Variants in ZW10 observed in about 807,000 individuals in gnomAD.
ZW10 encodes zw10 kinetochore protein.
Under a neutral mutation model 87.8 loss-of-function variants are expected in ZW10, and 53 were observed. That is an observed-to-expected ratio of 0.60 (90% confidence interval 0.48 to 0.76). The LOEUF (loss-of-function observed/expected upper bound fraction) is 0.76, where lower values mean the gene tolerates loss of function less well. Ranked by LOEUF, ZW10 falls within the 30% of genes least tolerant of loss-of-function variation. The probability of loss-of-function intolerance (pLI) is 0.00; values close to 1 mark genes in which losing one functional copy is unlikely to be tolerated. For synonymous variants in ZW10, 312 were observed against 329.2 expected (o/e 0.95, Z 0.57); for missense variants, 837 against 923.0 (o/e 0.91, Z 1.21).
Position 113,733,282 on chromosome 11 carries a change from C to G in ZW10, c.*412G>C, listed in dbSNP as rs1249119736. The G allele has an allele frequency of 6.3e-6, 1 of 158,378 alleles. No individual in the cohort carries two copies. The allele number at this position is 158,378 out of a possible 1,614,324, so 9.8% of individuals were successfully genotyped here. A position where few individuals can be genotyped will look rare whatever the true frequency, so the allele number is the denominator to read the frequency against. The stretch of plus-strand genomic sequence containing the variant: ...GGTGGCCCATTCCTCCCTTCCCCTC[C>G]TCCACACCCCTAAAATATCTCCGAT... On this transcript the variant is annotated 3_prime_UTR_variant, in exon 16 of 16. Coordinates refer to ENST00000200135, the MANE Select transcript of ZW10 (RefSeq NM_004724.4).
At chr11:113,738,241 C>A in intron 13 of ZW10, 23 bp downstream of exon 13, 1 of 1,562,592 alleles carries the variant, frequency 6.4e-7, no homozygotes, top group Non-Finnish European at 8.6e-7. Context: ...ATACAAATTT[C>A]AGTGCTAGCA....
intron 2 of ZW10, among the ~76,000 whole-genome samples, chr11:113,766,582 G>A (rs1953909117): frequency 6.8e-6 from 1 of 147,102 alleles, no homozygotes; most frequent in Admixed American, 6.9e-5. Context: ...GCTGAGGCAG[G>A]AGAATGGCCT....
At chr11:113,758,370 GA>G (rs5794879) in intron 6 of ZW10, among the ~76,000 whole-genome samples, 183 bp downstream of exon 6, 10 of 143,904 alleles carry the variant, frequency 6.9e-5, no homozygotes, top group East Asian at 2.0e-4. Context: ...AGGAACAGTT[GA>G]AAAAAAAAAA....
At chr11:113,745,882 T>C (rs1167794179) in intron 9 of ZW10, among the ~76,000 whole-genome samples, 1 of 152,188 alleles carries the variant, frequency 6.6e-6, no homozygotes, top group Non-Finnish European at 1.5e-5. Flanking sequence ...AGGAGCTTTT[T>C]TCAAAGTTGG....
intron 9 of ZW10, 63 bp downstream of exon 9, chr11:113,747,468 T>C: frequency 2.1e-6 from 3 of 1,404,238 alleles, no homozygotes; most frequent in East Asian, 2.3e-5. Flanking sequence ...ACTATATGCA[T>C]CTCAAAATGA....
chr11:113,760,691 T>TAAAAA (rs56870346), intron 3 of ZW10, 101 bp from the exon 4 acceptor site: 7 of 748,460 alleles, frequency 9.4e-6, no homozygotes, highest in South Asian at 2.3e-5. Flanking sequence ...CTCCCCCCTC[T>TAAAAA]AAAAAAAAAA....
chr11:113,743,173 T>A (rs1390999551), intron 10 of ZW10, among the ~76,000 whole-genome samples: 1 of 152,224 alleles, frequency 6.6e-6, no homozygotes, highest in Non-Finnish European at 1.5e-5. Flanking sequence ...TTAGAAGTCA[T>A]CTTGAAAGAG....
intron 4 of ZW10, 22 bp downstream of exon 4, chr11:113,760,491 C>T: frequency 6.2e-7 from 1 of 1,610,820 alleles, no homozygotes; most frequent in Admixed American, 1.7e-5. Flanking sequence ...ATTGCGCATG[C>T]TTTGGGGAGA....
At chr11:113,772,036 G>A (rs1953972920) in intron 1 of ZW10, among the ~76,000 whole-genome samples, 1 of 152,142 alleles carries the variant, frequency 6.6e-6, no homozygotes, top group Non-Finnish European at 1.5e-5. Context: ...CTCCCTGAGG[G>A]AAGATAAAGA....
At position 113,739,342 on chromosome 11, in the gene ZW10, G is replaced by A. The variant is rs1565279502; in HGVS notation, c.1624C>T (p.His542Tyr). The A allele has an allele frequency of 6.2e-7, 1 of 1,605,902 alleles. No homozygotes were observed. The change falls in exon 12 of 16, where the codon CAC (histidine) becomes TAC (tyrosine). Residue 542 changes from histidine to tyrosine, a missense_variant. His to Tyr is a moderately conservative substitution (Grantham distance 83, BLOSUM62 2). Coordinates refer to ENST00000200135, the MANE Select transcript of ZW10 (RefSeq NM_004724.4). ...TGAGCAATGTACATACAGTTGTTGT[G>A]ATGAATAGCAGCCAACTGGGGAAGT... The part of the protein sequence containing the change: ...QKLPQLAAIH[H>Y]NNCMYIAHHL...
At chr11:113,736,531 G>T in intron 15 of ZW10, 89 bp downstream of exon 15, 1 of 1,355,526 alleles carries the variant, frequency 7.4e-7, no homozygotes. Context: ...CTAACATCAG[G>T]AAACAGGGAA....
chr11:113,752,113 G>C (rs1224912249), intron 7 of ZW10, among the ~76,000 whole-genome samples: 1 of 152,186 alleles, frequency 6.6e-6, no homozygotes, highest in African/African-American at 2.4e-5. Flanking sequence ...AGTTGAATCT[G>C]GAAGGGTTTT....
chr11:113,756,322 T>G (rs1305545673), intron 7 of ZW10, among the ~76,000 whole-genome samples: 2 of 152,074 alleles, frequency 1.3e-5, no homozygotes, highest in African/African-American at 4.8e-5. Flanking sequence ...TAAAACTATG[T>G]CACTCAAAAA....
intron 6 of ZW10, 72 bp from the exon 7 acceptor site, chr11:113,757,925 T>G: frequency 7.7e-7 from 1 of 1,292,424 alleles, no homozygotes; most frequent in Non-Finnish European, 1.0e-6. Context: ...GTGGCTTACA[T>G]CTGTAATCCC....
chr11:113,737,521 C>T (rs1379131761), intron 14 of ZW10, 51 bp downstream of exon 14: 5 of 1,468,234 alleles, frequency 3.4e-6, no homozygotes, highest in Non-Finnish European at 4.6e-6. Context: ...AAGTCACAAT[C>T]TGGGACATGA....
At chr11:113,742,158 T>C (rs1953626530) in intron 10 of ZW10, among the ~76,000 whole-genome samples, 1 of 152,226 alleles carries the variant, frequency 6.6e-6, no homozygotes, top group Non-Finnish European at 1.5e-5. Flanking sequence ...AAGCACTCGC[T>C]TGGTTCTTTT....
rs372239759 is a variant in ZW10, at chr11:113,741,728, G to A, written c.1549C>T (p.His517Tyr). 1.2e-5 allele frequency: 19 copies of A among 1,607,328 alleles called. No individual in the cohort carries two copies. In the African/African-American group the frequency reaches 1.7e-4, roughly 15 times the overall value. The change falls in exon 11 of 16, where the codon CAT becomes TAT. Residue 517 changes from histidine (H) to tyrosine (Y), a missense_variant. By Grantham distance (83) the His-to-Tyr change is moderately conservative. Transcript: ENST00000200135. ...GTTGGTACAACATCATGGAACAAATGGAAGATATTCCTCACTGAGTAGAAA... is the reference window on the plus strand; with the variant it reads ...GTTGGTACAACATCATGGAACAAATAGAAGATATTCCTCACTGAGTAGAAA... ...QLFYSVRNIF[H>Y]LFHDVVPTYH...
chr11:113,736,395 G>A (rs1953553605), intron 15 of ZW10, among the ~76,000 whole-genome samples: 1 of 152,106 alleles, frequency 6.6e-6, no homozygotes, highest in Non-Finnish European at 1.5e-5. Flanking sequence ...ACATACTCAA[G>A]ACCAAAATAA....
chr11:113,764,174 C>T (rs555596306), intron 2 of ZW10, among the ~76,000 whole-genome samples: 63 of 152,092 alleles, frequency 4.1e-4, no homozygotes, highest in Non-Finnish European at 7.2e-4. Context: ...TGGTTGTAGA[C>T]GTGTGGTGTT....
Sources: gnomAD v4.1 joint callset for allele counts (sites outside exome capture counted in the v4.1 genomes callset) on GRCh38, gnomAD v4.1.1 for gene constraint, MANE v1.5 for transcripts, NCBI Gene and HGNC (gene_info 2026-07-23, HGNC 2026-07-21) for gene names.